The following GRHL2 variants were observed in gnomAD, a reference collection of about 807,000 sequenced individuals.
GRHL2 encodes grainyhead like transcription factor 2, also known as grainyhead-like protein 2 homolog.
GRHL2 carries 21 observed loss-of-function variants against 83.8 expected under a neutral mutation model. The ratio of observed to expected loss-of-function variants is 0.25; its 90% CI spans 0.18 to 0.36. The LOEUF is 0.36. GRHL2 is among the 10% of genes least tolerant of loss of function. The probability of loss-of-function intolerance (pLI) is 1.00; values close to 1 mark genes in which losing one functional copy is unlikely to be tolerated. For missense variants in GRHL2, 623 were observed against 781.8 expected (o/e 0.80, Z 2.42); for synonymous variants, 280 against 278.9 (o/e 1.00, Z -0.04).
In GRHL2 at chr8:101,520,271, G is replaced by A. The variant is rs115296692; in HGVS notation, c.21-22970G>A. On this transcript the variant is annotated intron_variant, in intron 1 of 15. Transcript: ENST00000646743. ...TGGAGGAGATTATAGACTGATTCAC[G>A]TAGTATGTGAGGTTACAAATTGAGT... 2.5e-3 allele frequency among the ~76,000 whole-genome samples: 384 copies of A among 152,256 alleles called. 4 individuals carry two copies. Among genetic ancestry groups the A allele is most frequent in the African/African-American group, 8.4e-3 (349 of 41,546 alleles).
chr8:101,580,070 TATG>T (rs1282751771), intron 7 of GRHL2, among the ~76,000 whole-genome samples: 1 of 152,174 alleles, frequency 6.6e-6, no homozygotes, highest in Non-Finnish European at 1.5e-5. Flanking sequence ...CACCAGCATC[TATG>T]ATCTGCAGGT....
chr8:101,512,551 T>G (rs936078039), intron 1 of GRHL2, among the ~76,000 whole-genome samples: 1 of 152,190 alleles, frequency 6.6e-6, no homozygotes, highest in Non-Finnish European at 1.5e-5. Context: ...CTCAGCTCAC[T>G]GCAACCTCCG....
chr8:101,656,274 A>G (rs1211125236), intron 14 of GRHL2, among the ~76,000 whole-genome samples: 1 of 152,186 alleles, frequency 6.6e-6, no homozygotes. Flanking sequence ...CATCTGCTGT[A>G]TGTATACCCC....
chr8:101,578,874 A>G (rs1291883725), intron 7 of GRHL2, among the ~76,000 whole-genome samples: 1 of 152,226 alleles, frequency 6.6e-6, no homozygotes, highest in Non-Finnish European at 1.5e-5. Flanking sequence ...TGTAGAAGAC[A>G]ATGAAACTAG....
At chr8:101,600,388 CT>C (rs1011035534) in intron 8 of GRHL2, among the ~76,000 whole-genome samples, 1 of 152,368 alleles carries the variant, frequency 6.6e-6, no homozygotes, top group African/African-American at 2.4e-5. Flanking sequence ...GCTTTCGGCA[CT>C]TTGTTAACCT....
Position 101,520,740 on chromosome 8 carries a change from T to C in GRHL2, c.21-22501T>C, listed in dbSNP as rs79439429. Among the ~76,000 whole-genome samples, 1,497 of 152,308 alleles carry C rather than the reference T, an allele frequency of 9.8e-3. 21 individuals carry two copies. Among genetic ancestry groups the C allele is most frequent in the African/African-American group, 0.034 (1,417 of 41,576 alleles). On this transcript the variant is annotated intron_variant, in intron 1 of 15. Transcript: ENST00000646743. ...CCTGGCATAATCTGGCCTCTGCTTA[T>C]CTCTTAAGTTTCATCAGACACTGCC... is the stretch of plus-strand genomic sequence containing the variant.
chr8:101,613,133 G>A lies in GRHL2; in HGVS notation c.1099-6406G>A, dbSNP rs57443168. ...TGTGGTGATCTGCAGGGACAGCACAGAAGGCAGAGCACACAGCAGGCAGCG... is the reference window on the plus strand; with the variant it reads ...TGTGGTGATCTGCAGGGACAGCACAAAAGGCAGAGCACACAGCAGGCAGCG... On this transcript the variant is annotated intron_variant, in intron 8 of 15. Transcript: ENST00000646743. Among the ~76,000 whole-genome samples, 360 of 150,930 alleles carry A rather than the reference G, an allele frequency of 2.4e-3. 8 individuals are homozygous for A. The East Asian group carries it at 0.057, about 24-fold the overall frequency.
intron 7 of GRHL2, among the ~76,000 whole-genome samples, chr8:101,593,930 A>G (rs950446328): frequency 6.6e-6 from 1 of 151,936 alleles, no homozygotes; most frequent in Non-Finnish European, 1.5e-5. Flanking sequence ...TTAGCCAGGC[A>G]TGGTGGCAGG....
intron 1 of GRHL2, among the ~76,000 whole-genome samples, chr8:101,528,289 G>A (rs1810847867): frequency 1.3e-5 from 2 of 152,096 alleles, no homozygotes; most frequent in Admixed American, 6.5e-5. Flanking sequence ...ATTTTGTGCT[G>A]TCTTTCCTAT....
chr8:101,504,850 C>T (rs967847370), intron 1 of GRHL2, among the ~76,000 whole-genome samples: 22 of 151,616 alleles, frequency 1.5e-4, no homozygotes, highest in African/African-American at 5.1e-4. Context: ...TTGTCGCCAA[C>T]GTGAACTTCT....
Position 101,652,423 on chromosome 8 carries a change from G to C in GRHL2, c.1698+2924G>C, listed in dbSNP as rs1317079612. Among the ~76,000 whole-genome samples the C allele has an allele frequency of 7.2e-4, 36 of 50,164 alleles. 2 individuals carry two copies. The highest frequency in any genetic ancestry group is 1.7e-3 in the South Asian group (2 of 1,212). 32.9% of individuals were successfully genotyped at this position (50,164 alleles called of 152,430 possible). ...TCTGGTGTGTGTGTGGTGTGTGTGT[G>C]TGGTGTGTGTGTCTGGTGTGTGTGG... On this transcript the variant is annotated intron_variant, in intron 14 of 15. Transcript: ENST00000646743.
intron 1 of GRHL2, among the ~76,000 whole-genome samples, chr8:101,537,410 A>G (rs1811065654): frequency 6.6e-6 from 1 of 152,228 alleles, no homozygotes; most frequent in African/African-American, 2.4e-5. Context: ...GAACCACCTT[A>G]GCATAGTGTC....
chr8:101,655,495 C>A (rs1294644243), intron 14 of GRHL2, among the ~76,000 whole-genome samples: 1 of 152,182 alleles, frequency 6.6e-6, no homozygotes, highest in Non-Finnish European at 1.5e-5. Context: ...CAAGCTGAGT[C>A]ACTTTTCTGG....
chr8:101,631,519 C>A, intron 9 of GRHL2, 118 bp from the exon 10 acceptor site: 1 of 823,478 alleles, frequency 1.2e-6, no homozygotes, highest in Non-Finnish European at 2.0e-6. Context: ...GGAAATGGGG[C>A]TGCTTGGTTA....
chr8:101,575,521 C>T (rs1811916902), intron 6 of GRHL2, among the ~76,000 whole-genome samples: 1 of 152,134 alleles, frequency 6.6e-6, no homozygotes, highest in Non-Finnish European at 1.5e-5. Flanking sequence ...TACTCCCCGG[C>T]TCTGGAGCAG....
Position 101,570,324 on chromosome 8 carries a change from A to T in GRHL2, c.679-15A>T, listed in dbSNP as rs1811796065. ...TTACCTATTTGTTTTAATTCCGATG[A>T]CTCATATTTTGCAGAAATTTCGGAG... On this transcript the variant is annotated splice_polypyrimidine_tract_variant and intron_variant, in intron 4 of 15. Coordinates refer to ENST00000646743, the MANE Select transcript of GRHL2 (RefSeq NM_024915.4). The T allele has an allele frequency of 6.2e-7, 1 of 1,607,954 alleles. No individual in the cohort carries two copies. The highest frequency in any genetic ancestry group is 8.5e-7 in the Non-Finnish European group (1 of 1,174,450).
At chr8:101,562,229 A>G (rs1249059435) in intron 4 of GRHL2, 1 of 607,946 alleles carries the variant, frequency 1.6e-6, no homozygotes, top group Non-Finnish European at 3.1e-6. Flanking sequence ...CAATACTTTT[A>G]TTCCATAGCT....
intron 1 of GRHL2, among the ~76,000 whole-genome samples, chr8:101,520,565 A>G (rs1483685302): frequency 2.0e-5 from 3 of 152,162 alleles, no homozygotes; most frequent in African/African-American, 7.2e-5. Flanking sequence ...TAAAGGTCAC[A>G]AGAGAACATC....
In GRHL2 at chr8:101,669,246, A is replaced by ATTTTTTTTTTTTTTTTTTTTTTTTTTTTT. The variant is rs1296511438; in HGVS notation, c.*2550_*2551insTTTTTTTTTTTTTTTTTTTTTTTTTTTTT. On this transcript the variant is annotated 3_prime_UTR_variant, in exon 16 of 16. Coordinates refer to ENST00000646743, the MANE Select transcript of GRHL2 (RefSeq NM_024915.4). The stretch of plus-strand genomic sequence containing the variant: ...AAGATCATGGACATGTGAAATGAGC[A>ATTTTTTTTTTTTTTTTTTTTTTTTTTTTT]TTTTTTTCTTTTTTTTTTTTAACAA... The ATTTTTTTTTTTTTTTTTTTTTTTTTTTTT allele has an allele frequency of 1.0e-4, 1 of 9,728 alleles. No homozygotes were observed. 0.6% of individuals were successfully genotyped at this position (9,728 alleles called of 1,614,324 possible). A position where few individuals can be genotyped will look rare whatever the true frequency, so the allele number is the denominator to read the frequency against.
Sources: gnomAD v4.1 joint callset for allele counts (sites outside exome capture counted in the v4.1 genomes callset) on GRCh38, gnomAD v4.1.1 for gene constraint, MANE v1.5 for transcripts, NCBI Gene and HGNC (gene_info 2026-07-23, HGNC 2026-07-21) for gene names.